Variants in CNTNAP2 observed in about 807,000 individuals in gnomAD.
The protein encoded by CNTNAP2 is contactin associated protein 2.
A neutral mutation model predicts 155.2 loss-of-function variants in CNTNAP2; 98 were observed. The observed-to-expected ratio is 0.63, with a 90% CI of 0.54 to 0.75. CNTNAP2 has a LOEUF of 0.75. Ranked by LOEUF, CNTNAP2 falls within the 30% of genes least tolerant of loss-of-function variation. CNTNAP2 has a pLI of 0.00. For missense variants in CNTNAP2, 1,727 were observed against 1,688.1 expected (o/e 1.02, Z -0.40); for synonymous variants, 651 against 631.2 (o/e 1.03, Z -0.47).
intron 13 of CNTNAP2, among the ~76,000 whole-genome samples, chr7:147,841,120 T>G (rs949800057): frequency 1.3e-5 from 2 of 152,160 alleles, no homozygotes; most frequent in African/African-American, 4.8e-5. Flanking sequence ...CCCCAAGCAA[T>G]GTCTAGACAA....
intron 1 of CNTNAP2, among the ~76,000 whole-genome samples, chr7:146,553,881 A>G: frequency 1.3e-5 from 2 of 152,092 alleles, no homozygotes; most frequent in East Asian, 3.9e-4. Flanking sequence ...GTTTTCCACA[A>G]GTGCTGGCTT....
chr7:148,139,441 T>G (rs763152225), intron 16 of CNTNAP2, among the ~76,000 whole-genome samples: 15 of 152,232 alleles, frequency 9.9e-5, no homozygotes, highest in Non-Finnish European at 1.8e-4. Flanking sequence ...CAGCCTCAGT[T>G]TCCTGACTAA....
intron 1 of CNTNAP2, among the ~76,000 whole-genome samples, chr7:146,328,778 A>G (rs1171981200): frequency 6.6e-6 from 1 of 152,194 alleles, no homozygotes; most frequent in East Asian, 1.9e-4. Context: ...TCTACGTGAG[A>G]TCACGCAATA....
chr7:147,737,295 C>G (rs1465295402), intron 13 of CNTNAP2, among the ~76,000 whole-genome samples: 1 of 152,168 alleles, frequency 6.6e-6, no homozygotes, highest in Non-Finnish European at 1.5e-5. Context: ...CCACTCCAGA[C>G]CCTGTTTGCC....
At chr7:147,321,408 G>GT (rs1309964837) in intron 9 of CNTNAP2, among the ~76,000 whole-genome samples, 1 of 152,086 alleles carries the variant, frequency 6.6e-6, no homozygotes, top group Non-Finnish European at 1.5e-5. Flanking sequence ...CCATAATGCA[G>GT]TTTAGGATAC....
At chr7:146,581,107 A>T (rs1399639658) in intron 1 of CNTNAP2, among the ~76,000 whole-genome samples, 1 of 152,098 alleles carries the variant, frequency 6.6e-6, no homozygotes, top group African/African-American at 2.4e-5. Flanking sequence ...TGACAAACAC[A>T]CCTTCTGTGT....
intron 9 of CNTNAP2, among the ~76,000 whole-genome samples, chr7:147,304,759 A>C (rs537403106): frequency 2.0e-5 from 3 of 152,318 alleles, no homozygotes; most frequent in Non-Finnish European, 2.9e-5. Flanking sequence ...TCACCAGTAC[A>C]TAACTGTGTT....
At chr7:148,271,833 A>T (rs2116847260) in intron 21 of CNTNAP2, among the ~76,000 whole-genome samples, 1 of 152,298 alleles carries the variant, frequency 6.6e-6, no homozygotes, top group East Asian at 1.9e-4. Flanking sequence ...AGTTGTGTAA[A>T]AATCCATCTG....
At chr7:146,931,114 C>T (rs1212281069) in intron 3 of CNTNAP2, among the ~76,000 whole-genome samples, 1 of 149,336 alleles carries the variant, frequency 6.7e-6, no homozygotes, top group African/African-American at 2.5e-5. Flanking sequence ...ACTCTCCACC[C>T]CAAATCAACA....
At chr7:146,257,751 A>G (rs181996987) in intron 1 of CNTNAP2, among the ~76,000 whole-genome samples, 2 of 152,352 alleles carry the variant, frequency 1.3e-5, no homozygotes, top group Admixed American at 6.5e-5. Context: ...AGGTCACTGG[A>G]CCAGAGAACA....
intron 3 of CNTNAP2, among the ~76,000 whole-genome samples, chr7:146,912,417 T>A (rs1335940758): frequency 2.0e-5 from 3 of 152,114 alleles, no homozygotes; most frequent in African/African-American, 7.2e-5. Context: ...TTACATTTTT[T>A]ATCCATAATA....
intron 10 of CNTNAP2, among the ~76,000 whole-genome samples, chr7:147,416,822 A>G (rs1293212117): frequency 6.6e-6 from 1 of 152,140 alleles, no homozygotes; most frequent in Admixed American, 6.5e-5. Flanking sequence ...GGCCGTGTGC[A>G]GTGGCTCAGT....
At chr7:147,022,727 A>C (rs1291909713) in intron 3 of CNTNAP2, among the ~76,000 whole-genome samples, 1 of 152,118 alleles carries the variant, frequency 6.6e-6, no homozygotes, top group Non-Finnish European at 1.5e-5. Context: ...CTATAACAAA[A>C]TATTTAAACT....
intron 8 of CNTNAP2, among the ~76,000 whole-genome samples, chr7:147,275,698 A>G (rs746094356): frequency 9.2e-5 from 14 of 152,042 alleles, no homozygotes; most frequent in Non-Finnish European, 1.6e-4. Context: ...TTCTAGTACT[A>G]TCTTGGAAAG....
intron 1 of CNTNAP2, among the ~76,000 whole-genome samples, chr7:146,131,676 A>G (rs1797716266): frequency 6.6e-6 from 1 of 152,216 alleles, no homozygotes; most frequent in Admixed American, 6.5e-5. Flanking sequence ...ACATACTTCA[A>G]AGACTTAGGC....
intron 1 of CNTNAP2, among the ~76,000 whole-genome samples, chr7:146,483,135 G>T (rs191812267): frequency 0.027 from 3,997 of 150,438 alleles, 64 homozygotes; most frequent in African/African-American, 0.051. Flanking sequence ...AATTAGCCGG[G>T]CATGGTGGCG....
chr7:146,776,405 A>G (rs1461840503), intron 2 of CNTNAP2, among the ~76,000 whole-genome samples: 1 of 152,220 alleles, frequency 6.6e-6, no homozygotes, highest in Non-Finnish European at 1.5e-5. Context: ...AATACAAATG[A>G]GACAATCTAG....
intron 18 of CNTNAP2, among the ~76,000 whole-genome samples, chr7:148,176,213 T>C (rs1241828820): frequency 3.8e-5 from 1 of 26,200 alleles, no homozygotes; most frequent in South Asian, 2.1e-3. Context: ...TTCTTTCTCT[T>C]TTTTTTTTTT....
At chr7:147,268,310 T>C (rs1584832164) in intron 8 of CNTNAP2, among the ~76,000 whole-genome samples, 1 of 152,172 alleles carries the variant, frequency 6.6e-6, no homozygotes, top group African/African-American at 2.4e-5. Context: ...TATATCTTGC[T>C]GCACTGACTT....
Sources: gnomAD v4.1 joint callset for allele counts (sites outside exome capture counted in the v4.1 genomes callset) on GRCh38, gnomAD v4.1.1 for gene constraint, MANE v1.5 for transcripts, NCBI Gene and HGNC (gene_info 2026-07-23, HGNC 2026-07-21) for gene names.